TTC23L: variants seen among roughly 807,000 people sequenced by gnomAD.
TTC23L encodes tetratricopeptide repeat domain 23 like.
In TTC23L, 42 loss-of-function variants were observed where a neutral mutation model predicts 48.1. The observed-to-expected ratio is 0.87, with a 90% CI of 0.68 to 1.13. The LOEUF (loss-of-function observed/expected upper bound fraction) is 1.13. Ranked by LOEUF, TTC23L falls within the 50% of genes most tolerant of loss-of-function variation. TTC23L has a pLI of 0.00. For missense variants in TTC23L, 391 were observed against 421.0 expected (o/e 0.93, Z 0.62); for synonymous variants, 159 against 157.2 (o/e 1.01, Z -0.09).
At chr5:34,851,284 A>G (rs1759655463) in intron 4 of TTC23L, among the ~76,000 whole-genome samples, 1 of 152,244 alleles carries the variant, frequency 6.6e-6, no homozygotes, top group South Asian at 2.1e-4. Flanking sequence ...GGCTACAGGA[A>G]AAGGGAAGCA....
chr5:34,902,962 A>AT (rs1561165953), downstream of TTC23L, among the ~76,000 whole-genome samples: 1 of 151,240 alleles, frequency 6.6e-6, no homozygotes, highest in East Asian at 1.9e-4. Flanking sequence ...AATGACTGAC[A>AT]TTAAAAAAAA....
At chr5:34,873,706 G>A (rs1761634624) in intron 8 of TTC23L, among the ~76,000 whole-genome samples, 1 of 152,148 alleles carries the variant, frequency 6.6e-6, no homozygotes, top group African/African-American at 2.4e-5. Flanking sequence ...GGCTAAATGA[G>A]CTCTCCCCAC....
Position 34,877,220 on chromosome 5 carries a change from T to C in TTC23L, c.950-2961T>C, listed in dbSNP as rs530504097. 3.9e-5 allele frequency among the ~76,000 whole-genome samples: 6 copies of C among 152,264 alleles called. No homozygotes were observed. In the East Asian group the frequency reaches 1.2e-3, roughly 29 times the overall value. ...CTAAAGAAGAAAAATCACATAATCA[T>C]ATCAATAGATGCAGAAAGAGCATTT... On this transcript the variant is annotated intron_variant, in intron 8 of 10. Transcript: ENST00000505624.
At chr5:34,880,645 C>CTTTTT in intron 9 of TTC23L, 3 of 367,104 alleles carry the variant, frequency 8.2e-6, no homozygotes, top group South Asian at 2.1e-5. Context: ...CTCTGACAAA[C>CTTTTT]TTTTTTTTTT....
At chr5:34,900,506 A>G (rs1470519698), downstream of TTC23L, among the ~76,000 whole-genome samples, 2 of 152,044 alleles carry the variant, frequency 1.3e-5, no homozygotes, top group Non-Finnish European at 2.9e-5. Context: ...GTTCAAAAAA[A>G]AAAAAGAAAG....
the TTC23L span, chr5:34,924,764 A>G: frequency 2.5e-6 from 2 of 805,986 alleles, no homozygotes; most frequent in African/African-American, 1.7e-5. Context: ...TATTTCAGGC[A>G]CATTTATAAT....
At chr5:34,913,600 A>G in the TTC23L span, 1 of 1,423,198 alleles carries the variant, frequency 7.0e-7, no homozygotes, top group Non-Finnish European at 9.7e-7. Flanking sequence ...GTAAAAATGA[A>G]AATTGTTACA....
At chr5:34,862,292 C>T (rs942471949) in intron 4 of TTC23L, among the ~76,000 whole-genome samples, 1 of 152,034 alleles carries the variant, frequency 6.6e-6, no homozygotes, top group African/African-American at 2.4e-5. Context: ...GTTAGTATCA[C>T]CAGATTCATC....
chr5:34,883,050 A>AAACC (rs1278208482), intron 9 of TTC23L: 5 of 152,054 alleles, frequency 3.3e-5, no homozygotes, highest in African/African-American at 1.2e-4. Context: ...AACAAACCAG[A>AAACC]AACAAACAAA....
At chr5:34,910,428 TTTTC>T in the TTC23L span, among the ~76,000 whole-genome samples, 50 of 149,954 alleles carry the variant, frequency 3.3e-4, no homozygotes, top group African/African-American at 1.1e-3. Flanking sequence ...ATTCTTTTTC[TTTTC>T]TTTTTTTTTT....
chr5:34,869,002 C>G (rs546430726), exon 8 of TTC23L: 2 of 1,606,160 alleles, frequency 1.2e-6, no homozygotes, highest in East Asian at 2.2e-5. Flanking sequence ...TCTGGAGAGG[C>G]CCAGCACAGG....
At chr5:34,868,695 C>T (rs569359940) in intron 7 of TTC23L, 183 of 489,212 alleles carry the variant, frequency 3.7e-4, no homozygotes, top group Non-Finnish European at 6.2e-4. Flanking sequence ...AGCACCGTGC[C>T]CTGTGCTTTG....
the TTC23L span, chr5:34,922,856 T>G: frequency 1.5e-6 from 2 of 1,351,392 alleles, no homozygotes; most frequent in African/African-American, 2.9e-5. Flanking sequence ...TCAATTTAGT[T>G]TCACCCCCAC....
intron 6 of TTC23L, among the ~76,000 whole-genome samples, chr5:34,865,927 A>AC: frequency 6.6e-6 from 1 of 152,316 alleles, no homozygotes; most frequent in Non-Finnish European, 1.5e-5. Context: ...TATCTACTAT[A>AC]TGTTAGGTGA....
chr5:34,913,851 T>C, the TTC23L span: 4 of 487,954 alleles, frequency 8.2e-6, no homozygotes, highest in South Asian at 7.0e-5. Flanking sequence ...GACGAATGAC[T>C]TGATAATGCA....
intron 9 of TTC23L, among the ~76,000 whole-genome samples, chr5:34,896,555 A>G (rs200733736): frequency 1.3e-5 from 2 of 152,250 alleles, no homozygotes; most frequent in Admixed American, 6.5e-5. Flanking sequence ...ACTAAGTGCC[A>G]GGTGCAGTTA....
chr5:34,848,960 T>A (rs1199151706), intron 3 of TTC23L, among the ~76,000 whole-genome samples: 1 of 152,226 alleles, frequency 6.6e-6, no homozygotes, highest in Non-Finnish European at 1.5e-5. Flanking sequence ...AAAATACGTT[T>A]TAAAATCCAT....
intron 3 of TTC23L, among the ~76,000 whole-genome samples, chr5:34,848,197 C>T (rs1192871793): frequency 6.6e-6 from 1 of 152,078 alleles, no homozygotes; most frequent in Non-Finnish European, 1.5e-5. Flanking sequence ...TTTCACTTAA[C>T]CAGGAAAAAA....
downstream of TTC23L, among the ~76,000 whole-genome samples, chr5:34,900,900 C>T (rs372811103): frequency 2.0e-5 from 3 of 152,314 alleles, no homozygotes; most frequent in South Asian, 2.1e-4. Context: ...ACAACATCTG[C>T]GCGCACTGCC....
Sources: allele counts gnomAD v4.1 joint callset (sites outside exome capture counted in the v4.1 genomes callset), GRCh38; gene constraint gnomAD v4.1.1; transcripts MANE v1.5; gene names NCBI Gene and HGNC (gene_info 2026-07-23, HGNC 2026-07-21).